NOPCHAP1: variants seen among roughly 807,000 people sequenced by gnomAD.
The protein encoded by NOPCHAP1 is DNA damage-sensitive RNA 1.
In NOPCHAP1, 13 loss-of-function variants were observed where a neutral mutation model predicts 14.0. That is an observed-to-expected ratio of 0.93 (90% confidence interval 0.60 to 1.47). NOPCHAP1 has a LOEUF of 1.47. NOPCHAP1 is among the 40% of genes most tolerant of loss of function. NOPCHAP1 has a pLI of 0.00. For synonymous variants in NOPCHAP1, 78 were observed against 78.4 expected (o/e 1.00, Z 0.03); for missense variants, 230 against 226.9 (o/e 1.01, Z -0.09).
In NOPCHAP1 at chr12:105,001,602, A is replaced by G. The variant is rs537644745; in HGVS notation, c.*6906A>G. 5 of 152,308 alleles carry G rather than the reference A, an allele frequency of 3.3e-5. No individual in the cohort carries two copies. In the South Asian group the frequency reaches 1.0e-3, roughly 32 times the overall value. 9.4% of individuals were successfully genotyped at this position (152,308 alleles called of 1,614,324 possible). ...ATATGCCCTTTTGCCTTGGAGAGCAAGTCTTGCCCCAGCAGATTTACTGGG... is the reference window on the plus strand; with the variant it reads ...ATATGCCCTTTTGCCTTGGAGAGCAGGTCTTGCCCCAGCAGATTTACTGGG... On this transcript the variant is annotated 3_prime_UTR_variant, in exon 4 of 4. Coordinates refer to ENST00000552951, the MANE Select transcript of NOPCHAP1 (RefSeq NM_152318.3).
rs151071111 is a variant in NOPCHAP1 at position 105,002,893 on chromosome 12, A to T, written c.*8197A>T. 6.6e-6 allele frequency: 1 copy of T among 152,320 alleles called. No individual in the cohort carries two copies. The highest frequency in any genetic ancestry group is 1.5e-5 in the Non-Finnish European group (1 of 68,030). 9.4% of individuals were successfully genotyped at this position (152,320 alleles called of 1,614,324 possible). On this transcript the variant is annotated 3_prime_UTR_variant, in exon 4 of 4. Transcript: ENST00000552951. Reference sequence around the variant, plus strand: ...GGCAGGCAGGCCTGGCTGATCAGAGAATCCCATTTTGTAAGGCATTTGTCT... The same window carrying T: ...GGCAGGCAGGCCTGGCTGATCAGAGTATCCCATTTTGTAAGGCATTTGTCT...
rs1310766289 is a variant in NOPCHAP1, at chr12:105,005,000, G to A, written c.*10304G>A. 6.6e-6 allele frequency: 1 copy of A among 152,176 alleles called. No individual in the cohort carries two copies. The highest frequency in any genetic ancestry group is 1.5e-5 in the Non-Finnish European group (1 of 68,040). 9.4% of individuals were successfully genotyped at this position (152,176 alleles called of 1,614,324 possible). On this transcript the variant is annotated 3_prime_UTR_variant, in exon 4 of 4. Coordinates refer to ENST00000552951, the MANE Select transcript of NOPCHAP1 (RefSeq NM_152318.3). ...TACTTACTGTTCTTTAAATGGAAGT[G>A]GATCATCATTAAAGACTTCATCCTC...
rs1592749007 is a variant in NOPCHAP1, at chr12:104,994,787, C to T, written c.*91C>T. On this transcript the variant is annotated 3_prime_UTR_variant, in exon 4 of 4. Transcript: ENST00000552951. ...TTCACGGGTTCTTTTGCTTTTCAGG[C>T]ACCTATGGTGCTTTTATATGTTAAA... The T allele has an allele frequency of 3.0e-5, 34 of 1,148,746 alleles. No homozygotes were observed. In the East Asian group the frequency reaches 7.8e-4, roughly 26 times the overall value. 71.2% of individuals were successfully genotyped at this position (1,148,746 alleles called of 1,614,324 possible). A position where few individuals can be genotyped will look rare whatever the true frequency, so the allele number is the denominator to read the frequency against.
intron 2 of NOPCHAP1, 62 bp from the exon 3 acceptor site, chr12:104,991,650 G>A: frequency 1.4e-6 from 2 of 1,475,856 alleles, no homozygotes; most frequent in African/African-American, 1.4e-5. Flanking sequence ...GTGTTTATAG[G>A]AAATCCTGGG....
chr12:104,994,942 T>A lies in NOPCHAP1; in HGVS notation c.*246T>A, dbSNP rs1873467709. ...GCAAGGAAAGTGTGCTTTTATCAGC[T>A]GAACACAGAAGTAGAGTACAGGAAT... On this transcript the variant is annotated 3_prime_UTR_variant, in exon 4 of 4. Coordinates refer to ENST00000552951, the MANE Select transcript of NOPCHAP1 (RefSeq NM_152318.3). 2.2e-6 allele frequency: 1 copy of A among 451,242 alleles called. No homozygotes were observed. The highest frequency in any genetic ancestry group is 4.0e-6 in the Non-Finnish European group (1 of 249,428). The allele number at this position is 451,242 out of a possible 1,614,324, so 28.0% of individuals were successfully genotyped here. A position where few individuals can be genotyped will look rare whatever the true frequency, so the allele number is the denominator to read the frequency against.
At chr12:104,986,701 T>A (rs1171775811) in intron 1 of NOPCHAP1, among the ~76,000 whole-genome samples, 3 of 152,128 alleles carry the variant, frequency 2.0e-5, no homozygotes, top group African/African-American at 7.2e-5. Context: ...TCTTATATTC[T>A]GCAAGGTAGT....
Position 105,005,046 on chromosome 12 carries a change from G to A in NOPCHAP1, c.*10350G>A, listed in dbSNP as rs1357356447. ...TCCTCATTGTCTTCAGGTTGAGTAGGTTGAGGAGGAGGAAGCAGAGGGGTT... is the reference window on the plus strand; with the variant it reads ...TCCTCATTGTCTTCAGGTTGAGTAGATTGAGGAGGAGGAAGCAGAGGGGTT... On this transcript the variant is annotated 3_prime_UTR_variant, in exon 4 of 4. Transcript: ENST00000552951. 1.3e-5 allele frequency: 2 copies of A among 152,222 alleles called. No homozygotes were observed. Among genetic ancestry groups the A allele is most frequent in the African/African-American group, 4.8e-5 (2 of 41,440 alleles). 9.4% of individuals were successfully genotyped at this position (152,222 alleles called of 1,614,324 possible).
At chr12:104,992,548 C>T (rs1404556552) in intron 3 of NOPCHAP1, among the ~76,000 whole-genome samples, 8 of 152,146 alleles carry the variant, frequency 5.3e-5, no homozygotes, top group African/African-American at 1.9e-4. Flanking sequence ...AAACTAAGTC[C>T]TTCAAAGGGT....
chr12:105,008,333 TG>T lies in NOPCHAP1; in HGVS notation c.*13638del, dbSNP rs1873747740. The T allele has an allele frequency of 1.3e-5, 2 of 152,250 alleles. No individual in the cohort carries two copies. The highest frequency in any genetic ancestry group is 4.8e-5 in the African/African-American group (2 of 41,466). 9.4% of individuals were successfully genotyped at this position (152,250 alleles called of 1,614,324 possible). A position where few individuals can be genotyped will look rare whatever the true frequency, so the allele number is the denominator to read the frequency against. Reference sequence around the variant, plus strand: ...TCCTTCGCCCACTTTTTGATGGGGTTGTTTTTTTCTCGTAAATTTGTTTAAG... The same window carrying T: ...TCCTTCGCCCACTTTTTGATGGGGTTTTTTTTTCTCGTAAATTTGTTTAAG... On this transcript the variant is annotated 3_prime_UTR_variant, in exon 4 of 4. Transcript: ENST00000552951.
rs1049458745 is a variant in NOPCHAP1 at position 105,016,526 on chromosome 12, C to T, written c.*21830C>T. ...TAAAGGAAAGGAGGTTTAATGGACT[C>T]ACAGTTCCACATGGCTGAGGAGACC... On this transcript the variant is annotated 3_prime_UTR_variant, in exon 4 of 4. Transcript: ENST00000552951. 4.6e-5 allele frequency: 7 copies of T among 152,794 alleles called. No individual in the cohort carries two copies. Among genetic ancestry groups the T allele is most frequent in the Non-Finnish European group, 8.8e-5 (6 of 68,538 alleles). 9.5% of individuals were successfully genotyped at this position (152,794 alleles called of 1,614,324 possible).
At chr12:104,992,919 C>T (rs1012975971) in intron 3 of NOPCHAP1, among the ~76,000 whole-genome samples, 3 of 152,150 alleles carry the variant, frequency 2.0e-5, no homozygotes, top group Non-Finnish European at 2.9e-5. Context: ...AGAGGTTGGG[C>T]ACTGCTGCTC....
In NOPCHAP1 at chr12:105,017,596, G is replaced by A. The variant is rs1487811259; in HGVS notation, c.*22900G>A. 6.6e-6 allele frequency: 1 copy of A among 151,474 alleles called. No individual in the cohort carries two copies. Among genetic ancestry groups the A allele is most frequent in the Non-Finnish European group, 1.5e-5 (1 of 67,908 alleles). 9.4% of individuals were successfully genotyped at this position (151,474 alleles called of 1,614,324 possible). ...CTAGCATAGTGCCTTTCACTCAGTT[G>A]GAATATATAATAAATGTTCATTAAA... On this transcript the variant is annotated 3_prime_UTR_variant, in exon 4 of 4. Coordinates refer to ENST00000552951, the MANE Select transcript of NOPCHAP1 (RefSeq NM_152318.3).
rs1347819210 is a variant in NOPCHAP1, at chr12:104,988,241, G to C, written c.190G>C (p.Glu64Gln). ...CTCCACTCTTCAAACAGTTCGGATA[G>C]AGAGGAGTCCCTGTAAGTACCTCTT... is the stretch of plus-strand genomic sequence containing the variant. ...KTSTLQTVRI[E>Q]RSPLLDQVQT... The change falls in exon 2 of 4, where the codon GAG becomes CAG. Residue 64 changes from glutamate to glutamine, a missense_variant. Transcript: ENST00000552951. 5.6e-6 allele frequency: 9 copies of C among 1,610,940 alleles called. No homozygotes were observed. The highest frequency in any genetic ancestry group is 1.1e-5 in the South Asian group (1 of 90,576).
chr12:104,987,116 G>A (rs75279276), intron 1 of NOPCHAP1, among the ~76,000 whole-genome samples: 1,683 of 152,224 alleles, frequency 0.011, 39 homozygotes, highest in African/African-American at 0.038. Context: ...TTGTGAGGAG[G>A]AGAATGCCTA....
In NOPCHAP1 at chr12:104,996,911, C is replaced by T. The variant is rs1181408241; in HGVS notation, c.*2215C>T. The T allele has an allele frequency of 6.6e-6, 1 of 151,938 alleles. No individual in the cohort carries two copies. The highest frequency in any genetic ancestry group is 1.5e-5 in the Non-Finnish European group (1 of 67,976). 9.4% of individuals were successfully genotyped at this position (151,938 alleles called of 1,614,324 possible). Reference sequence around the variant, plus strand: ...TTTGTCTGAAATTAAAATAGCAACCCCTGCCTTTTTCTTTCTGTTTGCTTG... The same window carrying T: ...TTTGTCTGAAATTAAAATAGCAACCTCTGCCTTTTTCTTTCTGTTTGCTTG... On this transcript the variant is annotated 3_prime_UTR_variant, in exon 4 of 4. Coordinates refer to ENST00000552951, the MANE Select transcript of NOPCHAP1 (RefSeq NM_152318.3).
intron 2 of NOPCHAP1, among the ~76,000 whole-genome samples, chr12:104,988,754 A>G (rs1479374156): frequency 1.3e-5 from 2 of 152,242 alleles, no homozygotes; most frequent in Non-Finnish European, 2.9e-5. Flanking sequence ...TAATATTAAA[A>G]AAAGGCAAAA....
chr12:104,991,563 G>A (rs1873373992), intron 2 of NOPCHAP1, 149 bp from the exon 3 acceptor site: 3 of 737,352 alleles, frequency 4.1e-6, no homozygotes, highest in Non-Finnish European at 6.2e-6. Flanking sequence ...TTATTCAGAA[G>A]AGGATGGAGG....
At position 105,007,532 on chromosome 12, in the gene NOPCHAP1, A is replaced by G. The variant is rs1182518493; in HGVS notation, c.*12836A>G. 1.3e-5 allele frequency: 2 copies of G among 152,178 alleles called. No homozygotes were observed. The highest frequency in any genetic ancestry group is 1.3e-4 in the Admixed American group (2 of 15,282). The allele number at this position is 152,178 out of a possible 1,614,324, so 9.4% of individuals were successfully genotyped here. A position where few individuals can be genotyped will look rare whatever the true frequency, so the allele number is the denominator to read the frequency against. ...CAATATTGCACTAAAGACGAAGAAC[A>G]TGCGATAACCATAAGAGATCACTTG... is the stretch of plus-strand genomic sequence containing the variant. On this transcript the variant is annotated 3_prime_UTR_variant, in exon 4 of 4. Coordinates refer to ENST00000552951, the MANE Select transcript of NOPCHAP1 (RefSeq NM_152318.3).
At position 105,007,246 on chromosome 12, in the gene NOPCHAP1, CA is replaced by C. The variant is rs1301580069; in HGVS notation, c.*12555del. ...CAATAGGAAATAAAAATGTATTTCA[CA>C]AAAAGATTTTTGTGCCCGCTAGCGT... On this transcript the variant is annotated 3_prime_UTR_variant, in exon 4 of 4. Coordinates refer to ENST00000552951, the MANE Select transcript of NOPCHAP1 (RefSeq NM_152318.3). 6.6e-6 allele frequency: 1 copy of C among 152,146 alleles called. No individual in the cohort carries two copies. Among genetic ancestry groups the C allele is most frequent in the Non-Finnish European group, 1.5e-5 (1 of 68,022 alleles). 9.4% of individuals were successfully genotyped at this position (152,146 alleles called of 1,614,324 possible).
Sources: gnomAD v4.1 joint callset for allele counts (sites outside exome capture counted in the v4.1 genomes callset) on GRCh38, gnomAD v4.1.1 for gene constraint, MANE v1.5 for transcripts, NCBI Gene and HGNC (gene_info 2026-07-23, HGNC 2026-07-21) for gene names.